Variants in KCNH5 observed in about 807,000 individuals in gnomAD.
KCNH5 encodes voltage-gated delayed rectifier potassium channel KCNH5.
In KCNH5, 46 loss-of-function variants were observed where a neutral mutation model predicts 96.1. That is an observed-to-expected ratio of 0.48 (90% CI 0.38 to 0.61). The LOEUF (loss-of-function observed/expected upper bound fraction) is 0.61, where lower values mean the gene tolerates loss of function less well. Among genes scored for constraint, KCNH5 ranks in the 20% least tolerant of loss-of-function variants. KCNH5 has a pLI of 0.00. For synonymous variants in KCNH5, 439 were observed against 449.8 expected, an observed-to-expected ratio of 0.98 and a Z score of 0.30; for missense variants, 907 against 1,225.8, an observed-to-expected ratio of 0.74 and a Z score of 3.88.
intron 7 of KCNH5, among the ~76,000 whole-genome samples, chr14:62,870,242 C>A (rs1163268857): frequency 2.0e-5 from 3 of 152,160 alleles, no homozygotes; most frequent in Non-Finnish European, 2.9e-5. Context: ...CATGGAAACA[C>A]TTCTGTAAAT....
At position 62,699,995 on chromosome 14, in the gene KCNH5, G is replaced by A. The variant is rs1166597792; in HGVS notation, c.*7513C>T. ...TCTGGTGAATTAACCCTTAAAGGCA[G>A]AGGCATTTTTAATACCCCCAATATC... On this transcript the variant is annotated 3_prime_UTR_variant, in exon 11 of 11. Coordinates refer to ENST00000322893, the MANE Select transcript of KCNH5 (RefSeq NM_139318.5). 6.6e-6 allele frequency: 1 copy of A among 152,160 alleles called. No homozygotes were observed. The highest frequency in any genetic ancestry group is 6.5e-5 in the Admixed American group (1 of 15,274). The allele number at this position is 152,160 out of a possible 1,614,324, so 9.4% of individuals were successfully genotyped here.
intron 7 of KCNH5, among the ~76,000 whole-genome samples, chr14:62,863,104 A>G (rs774174430): frequency 1.3e-5 from 2 of 152,204 alleles, no homozygotes; most frequent in Non-Finnish European, 2.9e-5. Context: ...ACCACTGTTT[A>G]AAATATTAAT....
intron 7 of KCNH5, among the ~76,000 whole-genome samples, chr14:62,875,027 A>G (rs1888341854): frequency 8.0e-6 from 1 of 125,782 alleles, no homozygotes; most frequent in African/African-American, 3.0e-5. Context: ...AAAAATCACA[A>G]GCATTCTTAT....
intron 10 of KCNH5, among the ~76,000 whole-genome samples, chr14:62,749,912 G>C (rs529394517): frequency 2.6e-4 from 39 of 152,272 alleles, no homozygotes; most frequent in African/African-American, 8.9e-4. Context: ...TGAAAGATGG[G>C]CCATTATTGT....
At chr14:63,028,834 G>A (rs985959059) in intron 1 of KCNH5, among the ~76,000 whole-genome samples, 10 of 152,062 alleles carry the variant, frequency 6.6e-5, no homozygotes, top group African/African-American at 1.9e-4. Context: ...ATAGAATATG[G>A]ACAATTCACA....
rs767226876 is a variant in KCNH5 at position 62,950,365 on chromosome 14, G to A, written c.1137C>T (p.Val379=). 15 of 1,613,998 alleles carry A rather than the reference G, an allele frequency of 9.3e-6. No homozygotes were observed. In the Admixed American group the frequency reaches 2.3e-4, roughly 25 times the overall value. ...AACTGTCTATTTGGATGGTGTTAGT[G>A]ACTTCATCAATGACCTCGTAGTCTC... is the stretch of plus-strand genomic sequence containing the variant. ...SIGDYEVIDE[V]TNTIQIDSWL... is the part of the protein sequence containing the mutation. The change falls in exon 7 of 11, where the codon GTC becomes GTT. Residue 379 remains valine, a synonymous_variant. Transcript: ENST00000322893.
intron 6 of KCNH5, among the ~76,000 whole-genome samples, chr14:62,965,575 T>A (rs1244333894): frequency 6.6e-6 from 1 of 152,134 alleles, no homozygotes; most frequent in Non-Finnish European, 1.5e-5. Context: ...CTTTTCTTTA[T>A]AAATTACCCA....
intron 10 of KCNH5, among the ~76,000 whole-genome samples, chr14:62,728,813 A>G (rs1367565632): frequency 6.6e-6 from 1 of 152,180 alleles, no homozygotes; most frequent in Non-Finnish European, 1.5e-5. Flanking sequence ...TGTCAGTATT[A>G]GTTATTAATA....
intron 10 of KCNH5, among the ~76,000 whole-genome samples, chr14:62,776,132 T>G (rs1312617407): frequency 6.6e-6 from 1 of 152,088 alleles, no homozygotes; most frequent in African/African-American, 2.4e-5. Flanking sequence ...CTGGGCGTGG[T>G]GGCATGCACC....
chr14:62,849,971 C>T (rs1475834867), intron 7 of KCNH5, 119 bp from the exon 8 acceptor site: 2 of 767,076 alleles, frequency 2.6e-6, no homozygotes, highest in Non-Finnish European at 4.2e-6. Flanking sequence ...GGGGTAAATA[C>T]ATGTTGAACT....
chr14:62,754,729 G>A (rs1885581390), intron 10 of KCNH5, among the ~76,000 whole-genome samples: 1 of 151,580 alleles, frequency 6.6e-6, no homozygotes, highest in South Asian at 2.1e-4. Context: ...AAAAAAAATA[G>A]TCAAGCATGG....
chr14:62,919,701 T>C (rs1300685623), intron 7 of KCNH5, among the ~76,000 whole-genome samples: 1 of 152,158 alleles, frequency 6.6e-6, no homozygotes, highest in Non-Finnish European at 1.5e-5. Context: ...AGTCTGCCGT[T>C]CATTGTAAAA....
chr14:62,857,616 C>T (rs112238660), intron 7 of KCNH5, among the ~76,000 whole-genome samples: 12 of 152,154 alleles, frequency 7.9e-5, no homozygotes, highest in African/African-American at 2.7e-4. Context: ...CAGGAAGCAT[C>T]CATCATGGGA....
At chr14:62,962,338 A>T (rs149369929) in intron 6 of KCNH5, among the ~76,000 whole-genome samples, 37 of 152,218 alleles carry the variant, frequency 2.4e-4, no homozygotes, top group African/African-American at 8.2e-4. Flanking sequence ...ATCCAGATAT[A>T]AAAAAATGCT....
At chr14:62,970,863 C>T (rs939540259) in intron 6 of KCNH5, among the ~76,000 whole-genome samples, 2 of 146,674 alleles carry the variant, frequency 1.4e-5, no homozygotes, top group Non-Finnish European at 3.0e-5. Context: ...TGATAAAGAA[C>T]ATCTACCAAA....
At chr14:62,769,649 A>AT (rs1336246506) in intron 10 of KCNH5, among the ~76,000 whole-genome samples, 2 of 152,232 alleles carry the variant, frequency 1.3e-5, no homozygotes, top group Non-Finnish European at 2.9e-5. Context: ...AATAATGGTA[A>AT]TTTTCATAAT....
At chr14:62,910,713 A>G (rs1205925150) in intron 7 of KCNH5, among the ~76,000 whole-genome samples, 1 of 152,138 alleles carries the variant, frequency 6.6e-6, no homozygotes, top group Non-Finnish European at 1.5e-5. Context: ...GACTCTAACC[A>G]TGCTGGGCTC....
At chr14:62,954,386 TG>T (rs998553061) in intron 6 of KCNH5, among the ~76,000 whole-genome samples, 1 of 152,232 alleles carries the variant, frequency 6.6e-6, no homozygotes, top group African/African-American at 2.4e-5. Context: ...TCTGTTTGCA[TG>T]TATGACATTC....
chr14:62,906,145 T>G lies in KCNH5; in HGVS notation c.1369+43988A>C, dbSNP rs1312878958. On this transcript the variant is annotated intron_variant, in intron 7 of 10. Coordinates refer to ENST00000322893, the MANE Select transcript of KCNH5 (RefSeq NM_139318.5). The stretch of plus-strand genomic sequence containing the variant: ...TATTGGCTCATTCATTTATTGAGAG[T>G]GTATTAGGTGTTAGACACCATGCTA... 6.6e-5 allele frequency among the ~76,000 whole-genome samples: 10 copies of G among 152,268 alleles called. 1 individual carries two copies. The highest frequency in any genetic ancestry group is 6.2e-4 in the South Asian group (3 of 4,824).
Sources: allele counts gnomAD v4.1 joint callset (sites outside exome capture counted in the v4.1 genomes callset), GRCh38; gene constraint gnomAD v4.1.1; transcripts MANE v1.5; gene names NCBI Gene and HGNC (gene_info 2026-07-23, HGNC 2026-07-21).